Variants in CCSER1 observed in about 807,000 individuals in gnomAD.
The protein encoded by CCSER1 is serine-rich coiled-coil domain-containing protein 1.
Under a neutral mutation model 82.0 loss-of-function variants are expected in CCSER1, and 41 were observed. That is an observed-to-expected ratio of 0.50 (90% CI 0.39 to 0.65). CCSER1 has a LOEUF of 0.65. Ranked by LOEUF, CCSER1 falls within the 30% of genes least tolerant of loss-of-function variation. The pLI is 0.00. For missense variants in CCSER1, 1,119 were observed against 1,064.2 expected (o/e 1.05, Z -0.72); for synonymous variants, 414 against 383.9 (o/e 1.08, Z -0.92).
At chr4:91,371,804 A>G (rs151199239) in intron 10 of CCSER1, among the ~76,000 whole-genome samples, 7 of 152,284 alleles carry the variant, frequency 4.6e-5, no homozygotes, top group Non-Finnish European at 8.8e-5. Context: ...GAAGAAACCT[A>G]TTCTACCTGT....
At chr4:90,364,677 G>A (rs1455949119) in intron 3 of CCSER1, among the ~76,000 whole-genome samples, 1 of 151,872 alleles carries the variant, frequency 6.6e-6, no homozygotes, top group Non-Finnish European at 1.5e-5. Context: ...ACAAGTTGGG[G>A]AATATTAATG....
chr4:91,358,717 C>T (rs1469521524), intron 10 of CCSER1, among the ~76,000 whole-genome samples: 3 of 152,140 alleles, frequency 2.0e-5, no homozygotes, highest in African/African-American at 7.2e-5. Context: ...ACTCCAAGTG[C>T]CAGTTCCTTC....
chr4:90,458,434 A>G (rs1578567552), intron 4 of CCSER1, among the ~76,000 whole-genome samples: 1 of 151,730 alleles, frequency 6.6e-6, no homozygotes, highest in Non-Finnish European at 1.5e-5. Context: ...GCTCACTGCA[A>G]CCTCCACTTC....
At chr4:91,130,136 C>G (rs970053431) in intron 10 of CCSER1, 2 of 151,712 alleles carry the variant, frequency 1.3e-5, no homozygotes, top group African/African-American at 2.4e-5. Context: ...GTAGCTGTGT[C>G]CATTATATTT....
intron 3 of CCSER1, among the ~76,000 whole-genome samples, chr4:90,371,445 T>G (rs1179009299): frequency 6.6e-6 from 1 of 152,032 alleles, no homozygotes; most frequent in Non-Finnish European, 1.5e-5. Flanking sequence ...TTACATAACT[T>G]GAAATTGTGA....
intron 3 of CCSER1, among the ~76,000 whole-genome samples, chr4:90,391,487 C>T (rs6851520): frequency 0.042 from 2,049 of 48,616 alleles, 43 homozygotes; most frequent in African/African-American, 0.14. Flanking sequence ...TATATATATA[C>T]ACACACACAG....
intron 1 of CCSER1, among the ~76,000 whole-genome samples, chr4:90,264,182 CTCT>C (rs1394284722): frequency 6.6e-6 from 1 of 152,104 alleles, no homozygotes; most frequent in Non-Finnish European, 1.5e-5. Flanking sequence ...TGTCAATATT[CTCT>C]TCTTCCACAA....
chr4:90,891,184 T>TA (rs1225813676), intron 8 of CCSER1, among the ~76,000 whole-genome samples: 3 of 151,370 alleles, frequency 2.0e-5, no homozygotes, highest in Non-Finnish European at 4.4e-5. Context: ...CTAAAATAAA[T>TA]AAAAAACCAA....
At chr4:90,899,097 C>G (rs1120770) in intron 8 of CCSER1, among the ~76,000 whole-genome samples, 150,183 of 152,194 alleles carry the variant, frequency 0.99, 74,107 homozygotes, top group East Asian at 1. Flanking sequence ...TTCTCTATTT[C>G]TTTGTGTCAT....
intron 10 of CCSER1, among the ~76,000 whole-genome samples, chr4:91,489,796 A>ATAACAAAAATAAATAAAT (rs70965501): frequency 1.3e-5 from 2 of 151,454 alleles, no homozygotes; most frequent in African/African-American, 2.4e-5. Context: ...TTAAAATAAA[A>ATAACAAAAATAAATAAAT]AAAAGATTGA....
intron 3 of CCSER1, among the ~76,000 whole-genome samples, chr4:90,325,203 CA>C (rs1243513232): frequency 6.6e-6 from 1 of 152,190 alleles, no homozygotes; most frequent in Non-Finnish European, 1.5e-5. Flanking sequence ...TATTCAGCCA[CA>C]TTGCTCTACC....
chr4:91,553,404 G>T (rs1448184083), intron 10 of CCSER1, among the ~76,000 whole-genome samples: 2 of 151,354 alleles, frequency 1.3e-5, no homozygotes, highest in African/African-American at 4.9e-5. Context: ...GGGTCATTCT[G>T]GCCTCATAAA....
intron 10 of CCSER1, among the ~76,000 whole-genome samples, chr4:91,279,435 T>G (rs1742741853): frequency 6.6e-6 from 1 of 152,006 alleles, no homozygotes; most frequent in African/African-American, 2.4e-5. Context: ...TTCATTTATT[T>G]TTATTTTTTT....
At chr4:91,104,815 C>A (rs970894795) in intron 10 of CCSER1, among the ~76,000 whole-genome samples, 1 of 152,152 alleles carries the variant, frequency 6.6e-6, no homozygotes, top group Non-Finnish European at 1.5e-5. Context: ...CTCTGCTTAT[C>A]CCTGGTGTCC....
At chr4:90,589,260 C>G (rs1782407299) in intron 5 of CCSER1, among the ~76,000 whole-genome samples, 1 of 151,824 alleles carries the variant, frequency 6.6e-6, no homozygotes, top group Non-Finnish European at 1.5e-5. Flanking sequence ...TTTCTTTACT[C>G]TATTTTCTAT....
intron 10 of CCSER1, among the ~76,000 whole-genome samples, chr4:91,188,648 C>A (rs185678782): frequency 7.9e-5 from 12 of 152,216 alleles, no homozygotes; most frequent in African/African-American, 2.9e-4. Flanking sequence ...GTCATGTTCG[C>A]TGGTATGTCC....
intron 10 of CCSER1, among the ~76,000 whole-genome samples, chr4:91,381,278 A>C (rs939625543): frequency 6.6e-6 from 1 of 152,036 alleles, no homozygotes; most frequent in Non-Finnish European, 1.5e-5. Flanking sequence ...GGTTTCCTGA[A>C]TCTGAATGTT....
intron 5 of CCSER1, among the ~76,000 whole-genome samples, chr4:90,604,043 G>A (rs1399120967): frequency 6.6e-6 from 1 of 152,060 alleles, no homozygotes; most frequent in Non-Finnish European, 1.5e-5. Context: ...TCTTATGCCA[G>A]CAGCTTGTAC....
chr4:91,502,362 A>G (rs1759254159), intron 10 of CCSER1, among the ~76,000 whole-genome samples: 1 of 152,238 alleles, frequency 6.6e-6, no homozygotes, highest in African/African-American at 2.4e-5. Flanking sequence ...TACATAGTGT[A>G]GAGCATGCTC....
Sources: allele counts gnomAD v4.1 joint callset (sites outside exome capture counted in the v4.1 genomes callset), GRCh38; gene constraint gnomAD v4.1.1; transcripts MANE v1.5; gene names NCBI Gene and HGNC (gene_info 2026-07-23, HGNC 2026-07-21).